The following IGFL4 variants were observed in gnomAD, a reference collection of about 807,000 sequenced individuals.
The protein encoded by IGFL4 is IGF like family member 4.
A neutral mutation model predicts 15.4 loss-of-function variants in IGFL4; 12 were observed. That is an observed-to-expected ratio of 0.78 (90% CI 0.50 to 1.26). The LOEUF is 1.26. Ranked by LOEUF, IGFL4 falls within the 50% of genes most tolerant of loss-of-function variation. IGFL4 has a pLI of 0.00. For missense variants in IGFL4, 126 were observed against 147.8 expected, an observed-to-expected ratio of 0.85 and a Z score of 0.76; for synonymous variants, 54 against 55.9, an observed-to-expected ratio of 0.97 and a Z score of 0.16.
chr19:46,046,913 A>G (rs538228028), intron 2 of IGFL4, among the ~76,000 whole-genome samples: 63 of 152,348 alleles, frequency 4.1e-4, no homozygotes, highest in African/African-American at 1.4e-3. Flanking sequence ...CCTGATAGAT[A>G]TCTACAGAAC....
intron 1 of IGFL4, among the ~76,000 whole-genome samples, chr19:46,067,468 T>C (rs1969506027): frequency 6.6e-6 from 1 of 152,134 alleles, no homozygotes; most frequent in Non-Finnish European, 1.5e-5. Flanking sequence ...CCTACCCCGA[T>C]GAGCCTGATC....
intron 2 of IGFL4, among the ~76,000 whole-genome samples, chr19:46,049,664 C>A (rs1240398349): frequency 1.3e-5 from 2 of 152,180 alleles, no homozygotes; most frequent in South Asian, 2.1e-4. Flanking sequence ...ATGCTGCCCC[C>A]ACCTGATTTT....
chr19:46,049,768 A>G (rs1177298174), intron 2 of IGFL4, among the ~76,000 whole-genome samples: 1 of 152,144 alleles, frequency 6.6e-6, no homozygotes, highest in East Asian at 1.9e-4. Flanking sequence ...TACTCATTCA[A>G]AGGTGACCCT....
intron 1 of IGFL4, among the ~76,000 whole-genome samples, chr19:46,075,499 A>G (rs1040350345): frequency 6.6e-6 from 1 of 152,196 alleles, no homozygotes; most frequent in African/African-American, 2.4e-5. Context: ...AAGGTTGTAG[A>G]ATATCCCTAC....
At chr19:46,061,633 T>G (rs1224672435) in intron 1 of IGFL4, among the ~76,000 whole-genome samples, 2 of 152,172 alleles carry the variant, frequency 1.3e-5, no homozygotes, top group African/African-American at 4.8e-5. Context: ...CACCAGGTCC[T>G]GGATCCCCAA....
intron 1 of IGFL4, among the ~76,000 whole-genome samples, chr19:46,062,313 A>C (rs1969452573): frequency 6.6e-6 from 1 of 152,216 alleles, no homozygotes; most frequent in Admixed American, 6.5e-5. Context: ...TGAAGGTCAC[A>C]CAGATATAAA....
chr19:46,040,876 A>G lies in IGFL4; in HGVS notation c.19+68T>C. On this transcript the variant is annotated intron_variant, in intron 1 of 3. Coordinates refer to ENST00000377697, the MANE Select transcript of IGFL4 (RefSeq NM_001002923.3). The surrounding 1 kb of genome is among the most constrained non-coding windows in gnomAD (Gnocchi z 4.1). Reference sequence around the variant, plus strand: ...ATAGGGAAGAGAGAATTAACTTTGAAGTTCAGAAATAATTAGGGATGTGAT... The same window carrying G: ...ATAGGGAAGAGAGAATTAACTTTGAGGTTCAGAAATAATTAGGGATGTGAT... 1 of 1,395,786 alleles carries G rather than the reference A, an allele frequency of 7.2e-7. No individual in the cohort carries two copies. Among genetic ancestry groups the G allele is most frequent in the South Asian group, 1.2e-5 (1 of 80,890 alleles). The allele number at this position is 1,395,786 out of a possible 1,614,324, so 86.5% of individuals were successfully genotyped here.
At chr19:46,069,467 GT>G (rs1969525494) in intron 1 of IGFL4, among the ~76,000 whole-genome samples, 2 of 152,082 alleles carry the variant, frequency 1.3e-5, no homozygotes, top group African/African-American at 4.8e-5. Flanking sequence ...CTCCCCAAAG[GT>G]AACTGCATTT....
At chr19:46,042,178 T>C (rs1441238436), upstream of IGFL4, among the ~76,000 whole-genome samples, 2 of 152,142 alleles carry the variant, frequency 1.3e-5, no homozygotes, top group African/African-American at 4.8e-5. Context: ...AAGTCTTCGG[T>C]ATTGATTTCA....
At chr19:46,052,135 C>T (rs11083796) in intron 2 of IGFL4, among the ~76,000 whole-genome samples, 81,207 of 151,938 alleles carry the variant, frequency 0.53, 22,052 homozygotes, top group Non-Finnish European at 0.56. Flanking sequence ...AACAAATGGA[C>T]TTAACAGATA....
chr19:46,063,838 G>C (rs1224449004), intron 1 of IGFL4, among the ~76,000 whole-genome samples: 1 of 152,174 alleles, frequency 6.6e-6, no homozygotes, highest in Admixed American at 6.5e-5. Context: ...GCTATTCCAT[G>C]CTCATGGATT....
chr19:46,047,119 A>G (rs919265408), intron 2 of IGFL4, among the ~76,000 whole-genome samples: 1 of 152,360 alleles, frequency 6.6e-6, no homozygotes, highest in East Asian at 1.9e-4. Context: ...ACACAACTAC[A>G]TGGAAACTGA....
chr19:46,073,792 C>T (rs934698008), intron 1 of IGFL4, among the ~76,000 whole-genome samples: 2 of 152,180 alleles, frequency 1.3e-5, no homozygotes, highest in Non-Finnish European at 2.9e-5. Context: ...TATAGACTCA[C>T]AATCTCAACT....
intron 1 of IGFL4, among the ~76,000 whole-genome samples, chr19:46,076,024 CA>C (rs751193618): frequency 3.8e-4 from 58 of 152,162 alleles, no homozygotes; most frequent in South Asian, 4.1e-4. Flanking sequence ...TTTGAAAGTC[CA>C]AACTTTCAAA....
chr19:46,063,083 A>G (rs1391036164), intron 1 of IGFL4, among the ~76,000 whole-genome samples: 1 of 152,108 alleles, frequency 6.6e-6, no homozygotes, highest in African/African-American at 2.4e-5. Context: ...TGGGCCTTGA[A>G]CCCAAGTTCG....
At chr19:46,063,961 A>G (rs962660763) in intron 1 of IGFL4, among the ~76,000 whole-genome samples, 1 of 152,076 alleles carries the variant, frequency 6.6e-6, no homozygotes, top group South Asian at 2.1e-4. Context: ...AATCCCAGCT[A>G]CTTGGGAGGC....
At chr19:46,042,402 A>G (rs1303050200), upstream of IGFL4, among the ~76,000 whole-genome samples, 1 of 152,208 alleles carries the variant, frequency 6.6e-6, no homozygotes, top group Non-Finnish European at 1.5e-5. Flanking sequence ...TAGTGTGAAT[A>G]CCGCATTATA....
At chr19:46,070,751 G>T (rs964005304) in intron 1 of IGFL4, among the ~76,000 whole-genome samples, 1 of 152,106 alleles carries the variant, frequency 6.6e-6, no homozygotes, top group African/African-American at 2.4e-5. Context: ...GAGGCACATC[G>T]GCAGTTCATG....
At chr19:46,069,589 C>T (rs1969526712) in intron 1 of IGFL4, among the ~76,000 whole-genome samples, 1 of 152,196 alleles carries the variant, frequency 6.6e-6, no homozygotes, top group African/African-American at 2.4e-5. Flanking sequence ...ACATCCCCCC[C>T]TTGAAGCCCT....
Sources: gnomAD v4.1 joint callset for allele counts (sites outside exome capture counted in the v4.1 genomes callset) on GRCh38, gnomAD v4.1.1 for gene constraint, Gnocchi (gnomAD v3.1) non-coding constraint, MANE v1.5 for transcripts, NCBI Gene and HGNC (gene_info 2026-07-23, HGNC 2026-07-21) for gene names.